The following ROBO1 variants were observed in gnomAD, a reference collection of about 807,000 sequenced individuals.
The protein encoded by ROBO1 is roundabout homolog 1.
In ROBO1, 149 loss-of-function variants were observed where a neutral mutation model predicts 195.9. The ratio of observed to expected loss-of-function variants is 0.76; its 90% CI spans 0.67 to 0.87. The LOEUF is 0.87. Among genes scored for constraint, ROBO1 ranks in the 40% least tolerant of loss-of-function variants. ROBO1 has a pLI of 0.00. For missense variants in ROBO1, 1,933 were observed against 2,068.3 expected (o/e 0.93, Z 1.27); for synonymous variants, 816 against 733.2 (o/e 1.11, Z -1.82).
At chr3:79,314,593 G>A (rs771702945) in intron 2 of ROBO1, among the ~76,000 whole-genome samples, 8 of 152,162 alleles carry the variant, frequency 5.3e-5, no homozygotes, top group Non-Finnish European at 1.2e-4. Context: ...CCAGTCTTGG[G>A]TATGTCTTTA....
chr3:79,135,724 G>A (rs967172795), intron 2 of ROBO1, among the ~76,000 whole-genome samples: 4 of 151,068 alleles, frequency 2.6e-5, no homozygotes, highest in African/African-American at 9.7e-5. Flanking sequence ...CGCAACTTTC[G>A]CCTCCTGGGT....
intron 2 of ROBO1, among the ~76,000 whole-genome samples, chr3:79,397,180 G>A (rs952833607): frequency 1.8e-4 from 27 of 150,864 alleles, no homozygotes; most frequent in South Asian, 1.3e-3. Flanking sequence ...AAAGTGTTTT[G>A]GAAGACTTGC....
chr3:78,821,935 G>A lies in ROBO1; in HGVS notation c.500-75035C>T, dbSNP rs146125544. Among the ~76,000 whole-genome samples the A allele has an allele frequency of 1.7e-3, 263 of 152,204 alleles. 1 individual carries two copies. The highest frequency in any genetic ancestry group is 6.1e-3 in the African/African-American group (255 of 41,538). ...CAGAGAAGAAGAAGCAGTAGTGGTAGCATTCATGAGCAGATAGATTATCAT... is the reference window on the plus strand; with the variant it reads ...CAGAGAAGAAGAAGCAGTAGTGGTAACATTCATGAGCAGATAGATTATCAT... On this transcript the variant is annotated intron_variant, in intron 4 of 30. Coordinates refer to ENST00000464233, the MANE Select transcript of ROBO1 (RefSeq NM_002941.4).
intron 3 of ROBO1, among the ~76,000 whole-genome samples, chr3:78,990,239 T>C (rs2077205193): frequency 6.6e-6 from 1 of 152,224 alleles, no homozygotes; most frequent in Non-Finnish European, 1.5e-5. Context: ...ATTTTGGTCA[T>C]ACTGAATGTG....
intron 2 of ROBO1, among the ~76,000 whole-genome samples, chr3:79,248,374 CAAAA>C (rs10559171): frequency 1.4e-4 from 5 of 36,204 alleles, no homozygotes; most frequent in South Asian, 2.8e-3. Context: ...GAAGACAGAC[CAAAA>C]AAAAAAAAAA....
intron 4 of ROBO1, among the ~76,000 whole-genome samples, chr3:78,926,167 C>G (rs531910369): frequency 2.0e-4 from 30 of 152,094 alleles, no homozygotes; most frequent in Non-Finnish European, 3.7e-4. Context: ...CCACACCCAG[C>G]CAATATATAC....
At chr3:78,782,299 C>G (rs919078298) in intron 4 of ROBO1, among the ~76,000 whole-genome samples, 2 of 151,718 alleles carry the variant, frequency 1.3e-5, no homozygotes, top group Non-Finnish European at 2.9e-5. Flanking sequence ...TAGGTTTAAG[C>G]GATTCTCTTG....
intron 2 of ROBO1, among the ~76,000 whole-genome samples, chr3:79,392,419 G>C (rs1354843473): frequency 6.6e-6 from 1 of 152,122 alleles, no homozygotes; most frequent in Non-Finnish European, 1.5e-5. Context: ...GTCTATTTCT[G>C]TAATAAAATT....
chr3:79,677,187 A>G (rs888511446), intron 1 of ROBO1, among the ~76,000 whole-genome samples: 1 of 151,912 alleles, frequency 6.6e-6, no homozygotes, highest in Non-Finnish European at 1.5e-5. Flanking sequence ...TCAGTTCCAT[A>G]ATTAAACTAC....
At chr3:78,816,846 G>T (rs1050839962) in intron 4 of ROBO1, among the ~76,000 whole-genome samples, 1 of 152,156 alleles carries the variant, frequency 6.6e-6, no homozygotes, top group East Asian at 1.9e-4. Flanking sequence ...AAAGGAAGTA[G>T]TTCCTTGAAA....
intron 2 of ROBO1, among the ~76,000 whole-genome samples, chr3:79,412,746 G>A (rs753056937): frequency 6.6e-6 from 1 of 151,974 alleles, no homozygotes; most frequent in Non-Finnish European, 1.5e-5. Flanking sequence ...CCGGCAAAAT[G>A]TAATGTACAT....
chr3:79,143,901 T>C (rs1468516238), intron 2 of ROBO1, among the ~76,000 whole-genome samples: 2 of 152,008 alleles, frequency 1.3e-5, no homozygotes, highest in Non-Finnish European at 2.9e-5. Flanking sequence ...CTATTATCCA[T>C]ATCCACATTT....
intron 2 of ROBO1, among the ~76,000 whole-genome samples, chr3:79,344,721 GGA>G (rs138663051): frequency 7.3e-5 from 11 of 150,018 alleles, no homozygotes; most frequent in African/African-American, 9.8e-5. Flanking sequence ...ATATATATAT[GGA>G]GAGAGAGAGA....
At chr3:79,349,389 TG>T (rs1340209081) in intron 2 of ROBO1, among the ~76,000 whole-genome samples, 21 of 152,196 alleles carry the variant, frequency 1.4e-4, no homozygotes, top group African/African-American at 5.1e-4. Context: ...TTCCCCTAAT[TG>T]ATCTACAGAT....
In ROBO1 at chr3:79,641,189, T is replaced by C. The variant is rs192485253; in HGVS notation, c.-50-51228A>G. On this transcript the variant is annotated intron_variant, in intron 1 of 30. Transcript: ENST00000464233. ...ACTGTCCCAGAGTAATGAGGTAGAGTATCTGATTAGACATTTATTTTTCCT... is the reference window on the plus strand; with the variant it reads ...ACTGTCCCAGAGTAATGAGGTAGAGCATCTGATTAGACATTTATTTTTCCT... Among the ~76,000 whole-genome samples, 145 of 152,192 alleles carry C rather than the reference T, an allele frequency of 9.5e-4. 3 individuals are homozygous for C. Among genetic ancestry groups the C allele is most frequent in the Non-Finnish European group, 4.4e-5 (3 of 68,012 alleles).
intron 2 of ROBO1, among the ~76,000 whole-genome samples, chr3:79,476,213 C>A (rs2107348494): frequency 6.6e-6 from 1 of 152,088 alleles, no homozygotes. Flanking sequence ...TTTACTTCTG[C>A]AAGAACAGCC....
At chr3:79,371,954 G>C (rs574789064) in intron 2 of ROBO1, among the ~76,000 whole-genome samples, 4 of 152,230 alleles carry the variant, frequency 2.6e-5, no homozygotes, top group Non-Finnish European at 5.9e-5. Context: ...TTCCACCTCA[G>C]ATCATCAGGC....
At chr3:78,929,117 T>A (rs1041158705) in intron 4 of ROBO1, among the ~76,000 whole-genome samples, 2 of 152,178 alleles carry the variant, frequency 1.3e-5, no homozygotes, top group African/African-American at 4.8e-5. Flanking sequence ...AAACTTTTAT[T>A]TCTCCTGACA....
rs554145287 is a variant in ROBO1, at chr3:78,938,952, T to C, written c.173-25A>G. 5 of 1,566,270 alleles carry C rather than the reference T, an allele frequency of 3.2e-6. No homozygotes were observed. The Admixed American group carries it at 5.5e-5, about 17-fold the overall frequency. On this transcript the variant is annotated intron_variant, in intron 3 of 30. Coordinates refer to ENST00000464233, the MANE Select transcript of ROBO1 (RefSeq NM_002941.4). ...CCTGCAGAAGAATTCACAAAATATC[T>C]TCGTATATCACTTGAAAACAGTTAA...
Sources: gnomAD v4.1 joint callset for allele counts (sites outside exome capture counted in the v4.1 genomes callset) on GRCh38, gnomAD v4.1.1 for gene constraint, MANE v1.5 for transcripts, NCBI Gene and HGNC (gene_info 2026-07-23, HGNC 2026-07-21) for gene names.